TMEM43: variants seen among roughly 807,000 people sequenced by gnomAD.
TMEM43 encodes the protein arrhythmogenic right ventricular dysplasia 5.
Under a neutral mutation model 49.6 loss-of-function variants are expected in TMEM43, and 45 were observed. The observed-to-expected ratio is 0.91, with a 90% confidence interval of 0.71 to 1.16. TMEM43 has a LOEUF of 1.16. Ranked by LOEUF, TMEM43 falls within the 50% of genes most tolerant of loss-of-function variation. The pLI is 0.00. For missense variants in TMEM43, 532 were observed against 516.6 expected, an observed-to-expected ratio of 1.03 and a Z score of -0.29; for synonymous variants, 199 against 207.8, an observed-to-expected ratio of 0.96 and a Z score of 0.36.
chr3:14,134,967 A>C, intron 8 of TMEM43, 76 bp downstream of exon 8: 1 of 1,604,974 alleles, frequency 6.2e-7, no homozygotes, highest in South Asian at 1.1e-5. Context: ...AGGCAGATTC[A>C]GTTCAGTCGC....
rs1205453844 is a variant in TMEM43, at chr3:14,129,534, C to G, written c.135C>G (p.Leu45=). ...GMFVGLMAFL[L]SFYLIFTNEG... ...TTGTGGGGCTCATGGCCTTCCTGCT[C>G]TCCTTCTACCTAATTTTCACCAATG... Residue 45 remains leucine, a synonymous_variant, in exon 2 of 12, where the codon CTC becomes CTG. Coordinates refer to ENST00000306077, the MANE Select transcript of TMEM43 (RefSeq NM_024334.3). The G allele has an allele frequency of 7.4e-6, 12 of 1,614,138 alleles. No homozygotes were observed. The highest frequency in any genetic ancestry group is 1.0e-5 in the Non-Finnish European group (12 of 1,180,030).
chr3:14,130,828 G>C lies in TMEM43; in HGVS notation c.169G>C (p.Ala57Pro). 1 of 1,613,780 alleles carries C rather than the reference G, an allele frequency of 6.2e-7. No individual in the cohort carries two copies. ...CACTCCCCTTTGCTCCCAGGGCCGC[G>C]CATTGAAGACGGCAACCTCATTGGC... ...FYLIFTNEGR[A>P]LKTATSLAEG... Residue 57 changes from alanine (A) to proline (P), a missense_variant, in exon 3 of 12, where the codon GCA becomes CCA. Transcript: ENST00000306077.
At chr3:14,139,763 T>C (rs943843057) in intron 11 of TMEM43, among the ~76,000 whole-genome samples, 1 of 152,184 alleles carries the variant, frequency 6.6e-6, no homozygotes, top group East Asian at 1.9e-4. Flanking sequence ...AAAACTCTCA[T>C]GCTTCCTTCC....
intron 7 of TMEM43, among the ~76,000 whole-genome samples, chr3:14,134,173 T>C (rs1294284119): frequency 6.6e-6 from 1 of 152,212 alleles, no homozygotes; most frequent in Non-Finnish European, 1.5e-5. Context: ...GCTCTCAGCC[T>C]AGGGCTCCCC....
intron 4 of TMEM43, among the ~76,000 whole-genome samples, 192 bp from the exon 5 acceptor site, chr3:14,132,354 G>A (rs922855191): frequency 2.0e-5 from 3 of 152,194 alleles, no homozygotes; most frequent in South Asian, 2.1e-4. Flanking sequence ...TCCAGGTAGC[G>A]CCTTGGAGGG....
chr3:14,140,500 T>C (rs1288758665), intron 11 of TMEM43, among the ~76,000 whole-genome samples: 1 of 152,098 alleles, frequency 6.6e-6, no homozygotes, highest in African/African-American at 2.4e-5. Flanking sequence ...GTTTGATAAA[T>C]ACCAACGTGT....
intron 4 of TMEM43, 40 bp from the exon 5 acceptor site, chr3:14,132,506 G>A (rs373911134): frequency 6.1e-5 from 98 of 1,612,062 alleles, no homozygotes; most frequent in Non-Finnish European, 6.7e-5. Flanking sequence ...TGCCTGGGGC[G>A]ACGAGGCTAA....
At chr3:14,141,014 T>G (rs920607463) in intron 11 of TMEM43, among the ~76,000 whole-genome samples, 4 of 152,356 alleles carry the variant, frequency 2.6e-5, no homozygotes, top group Admixed American at 6.5e-5. Context: ...TAATTCCTCA[T>G]GAATTTAGCT....
chr3:14,128,036 C>T (rs1001480864), intron 1 of TMEM43, among the ~76,000 whole-genome samples: 11 of 152,164 alleles, frequency 7.2e-5, no homozygotes, highest in African/African-American at 2.7e-4. Flanking sequence ...TTACCACGCC[C>T]TAGGCCCTGA....
intron 1 of TMEM43, 92 bp from the exon 2 acceptor site, chr3:14,129,307 TAAAAAAAAAAAAA>T (rs10648308): frequency 1.6e-4 from 60 of 380,666 alleles, no homozygotes; most frequent in Middle Eastern, 1.8e-3. Flanking sequence ...CAGTTAAAAC[TAAAAAAAAAAAAA>T]AAAAAAAAAA....
intron 11 of TMEM43, among the ~76,000 whole-genome samples, chr3:14,140,051 C>T (rs1189242868): frequency 1.3e-5 from 2 of 152,234 alleles, no homozygotes; most frequent in South Asian, 2.1e-4. Flanking sequence ...ACAGAAACCT[C>T]TTCCCCACTC....
At chr3:14,131,447 C>A in intron 3 of TMEM43, 133 bp from the exon 4 acceptor site, 1 of 755,264 alleles carries the variant, frequency 1.3e-6, no homozygotes, top group Admixed American at 2.1e-5. Flanking sequence ...CCCTGCAAAG[C>A]AGTGTAGGGC....
chr3:14,140,090 T>C (rs913081913), intron 11 of TMEM43, among the ~76,000 whole-genome samples: 2 of 152,224 alleles, frequency 1.3e-5, no homozygotes. Flanking sequence ...GAGGTCTGGC[T>C]GCACATCTTG....
At chr3:14,128,208 C>T (rs1487515390) in intron 1 of TMEM43, among the ~76,000 whole-genome samples, 2 of 152,172 alleles carry the variant, frequency 1.3e-5, no homozygotes, top group Non-Finnish European at 1.5e-5. Context: ...CTGCCCTAGA[C>T]GATGACACTT....
rs1363415971 is a variant in TMEM43 at position 14,138,317 on chromosome 3, G to A, written c.883-863G>A. Among the ~76,000 whole-genome samples, 7 of 152,296 alleles carry A rather than the reference G, an allele frequency of 4.6e-5. No individual in the cohort carries two copies. In the South Asian group the frequency reaches 6.2e-4, roughly 14 times the overall value. On this transcript the variant is annotated intron_variant, in intron 10 of 11. Transcript: ENST00000306077. ...TGGCAGCAGGGTCGGTGTCCGGGGG[G>A]TGTGGCAGGGCTCTGGCAGGTGACT...
At chr3:14,127,467 A>G (rs1487362207) in intron 1 of TMEM43, among the ~76,000 whole-genome samples, 1 of 152,156 alleles carries the variant, frequency 6.6e-6, no homozygotes, top group African/African-American at 2.4e-5. Context: ...AGCCCAAGAG[A>G]TGGGGAGCAC....
At chr3:14,135,677 G>T in intron 9 of TMEM43, 130 bp from the exon 10 acceptor site, 1 of 691,588 alleles carries the variant, frequency 1.4e-6, no homozygotes, top group East Asian at 2.7e-5. Flanking sequence ...GATGTATAGA[G>T]AGAGAAGCCC....
chr3:14,129,114 C>G (rs1200929246), intron 1 of TMEM43: 2 of 403,684 alleles, frequency 5.0e-6, no homozygotes, highest in Non-Finnish European at 9.6e-6. Flanking sequence ...CAGATTCTCC[C>G]CATCCCCACC....
chr3:14,129,306 CTAA>C, intron 1 of TMEM43, 103 bp from the exon 2 acceptor site: 2 of 531,912 alleles, frequency 3.8e-6, no homozygotes, highest in Non-Finnish European at 2.6e-6. Context: ...ACAGTTAAAA[CTAA>C]AAAAAAAAAA....
Sources: gnomAD v4.1 joint callset for allele counts (sites outside exome capture counted in the v4.1 genomes callset) on GRCh38, gnomAD v4.1.1 for gene constraint, MANE v1.5 for transcripts, NCBI Gene and HGNC (gene_info 2026-07-23, HGNC 2026-07-21) for gene names.